Variants in CCDC171 observed in about 807,000 individuals in gnomAD.
CCDC171 encodes coiled-coil domain containing 171.
Under a neutral mutation model 168.2 loss-of-function variants are expected in CCDC171, and 177 were observed. The observed-to-expected ratio is 1.05, with a 90% CI of 0.93 to 1.19. CCDC171 has a LOEUF of 1.19. Among genes scored for constraint, CCDC171 ranks in the 50% most tolerant of loss-of-function variants. CCDC171 has a pLI of 0.00. For missense variants in CCDC171, 1,991 were observed against 1,539.0 expected (o/e 1.29, Z -4.91); for synonymous variants, 687 against 540.8 (o/e 1.27, Z -3.75).
intron 18 of CCDC171, among the ~76,000 whole-genome samples, chr9:15,766,701 G>A (rs914293079): frequency 2.0e-5 from 3 of 151,194 alleles, no homozygotes; most frequent in Non-Finnish European, 4.4e-5. Context: ...TGTCACCCAG[G>A]CTGGAGTACA....
chr9:15,730,266 ATAT>A (rs2054072803), intron 16 of CCDC171, among the ~76,000 whole-genome samples: 1 of 151,802 alleles, frequency 6.6e-6, no homozygotes, highest in African/African-American at 2.4e-5. Flanking sequence ...TATATAACTG[ATAT>A]TATATAAGGT....
At chr9:15,827,225 C>A (rs1019699879) in intron 21 of CCDC171, among the ~76,000 whole-genome samples, 1 of 152,060 alleles carries the variant, frequency 6.6e-6, no homozygotes, top group Admixed American at 6.6e-5. Flanking sequence ...TTCTCCCTTG[C>A]AGGTAAATGT....
intron 6 of CCDC171, among the ~76,000 whole-genome samples, chr9:15,610,488 G>A (rs950355932): frequency 4.6e-5 from 5 of 109,116 alleles, no homozygotes; most frequent in African/African-American, 6.1e-5. Flanking sequence ...AAAACTGGGC[G>A]TGGTGGTGGG....
chr9:16,043,900 A>C (rs1833613342), intron 1 of CCDC171, among the ~76,000 whole-genome samples: 1 of 152,210 alleles, frequency 6.6e-6, no homozygotes, highest in South Asian at 2.1e-4. Context: ...CGTCCATTTG[A>C]GTTGCAGTTA....
At position 15,744,259 on chromosome 9, in the gene CCDC171, G is replaced by C. The variant is rs762342134; in HGVS notation, c.2050-14G>C. ...TGTTTCATGATCAAATATATTTTTT[G>C]ACTTCTTCCATAGAAATTTCAAGAA... On this transcript the variant is annotated splice_polypyrimidine_tract_variant and intron_variant, in intron 16 of 25. Coordinates refer to ENST00000380701, the MANE Select transcript of CCDC171 (RefSeq NM_173550.4). The C allele has an allele frequency of 1.9e-6, 3 of 1,553,006 alleles. No individual in the cohort carries two copies. In the African/African-American group the frequency reaches 4.1e-5, roughly 21 times the overall value.
chr9:15,593,490 A>G (rs983762821), intron 5 of CCDC171, among the ~76,000 whole-genome samples: 1 of 152,092 alleles, frequency 6.6e-6, no homozygotes, highest in Non-Finnish European at 1.5e-5. Flanking sequence ...TCAAATTTTT[A>G]ACATTCTAGA....
At chr9:15,643,288 TA>T (rs1227932787) in intron 7 of CCDC171, among the ~76,000 whole-genome samples, 1 of 152,154 alleles carries the variant, frequency 6.6e-6, no homozygotes, top group Non-Finnish European at 1.5e-5. Flanking sequence ...TTCAGTTCTT[TA>T]AGGGCAAGAA....
intron 6 of CCDC171, among the ~76,000 whole-genome samples, chr9:16,028,393 A>C (rs1369419049): frequency 6.6e-6 from 1 of 152,182 alleles, no homozygotes; most frequent in Non-Finnish European, 1.5e-5. Context: ...ACTAAAGCAG[A>C]CCAAAGTAGA....
downstream of CCDC171, among the ~76,000 whole-genome samples, chr9:16,064,216 T>C (rs1313229922): frequency 6.6e-6 from 1 of 152,192 alleles, no homozygotes; most frequent in Admixed American, 6.5e-5. Context: ...TGTATTTCAC[T>C]TGATGGAAAG....
intron 16 of CCDC171, among the ~76,000 whole-genome samples, chr9:15,732,622 G>T (rs1588184862): frequency 6.6e-6 from 1 of 152,102 alleles, no homozygotes; most frequent in Non-Finnish European, 1.5e-5. Context: ...GCATATATCA[G>T]TAGTTAATTC....
At chr9:15,728,162 C>G in intron 15 of CCDC171, 126 bp downstream of exon 15, 1 of 713,394 alleles carries the variant, frequency 1.4e-6, no homozygotes, top group Non-Finnish European at 2.2e-6. Context: ...TAATTCAATA[C>G]CATTAATTAT....
intron 16 of CCDC171, among the ~76,000 whole-genome samples, chr9:15,741,550 T>C (rs969243967): frequency 6.6e-6 from 1 of 152,366 alleles, no homozygotes; most frequent in Non-Finnish European, 1.5e-5. Flanking sequence ...TTTGTGTTTT[T>C]CCTACCTTTT....
chr9:15,944,733 T>A (rs1225473079), intron 25 of CCDC171, among the ~76,000 whole-genome samples: 1 of 151,902 alleles, frequency 6.6e-6, no homozygotes, highest in Non-Finnish European at 1.5e-5. Context: ...ATAGACATAA[T>A]TTTTACTTGT....
Position 15,598,485 on chromosome 9 carries a change from C to G in CCDC171, c.675+4313C>G, listed in dbSNP as rs183336186. Among the ~76,000 whole-genome samples, 278 of 152,106 alleles carry G rather than the reference C, an allele frequency of 1.8e-3. 1 individual carries two copies. Among genetic ancestry groups the G allele is most frequent in the Middle Eastern group, 0.01 (3 of 294 alleles). On this transcript the variant is annotated intron_variant, in intron 6 of 25. Coordinates refer to ENST00000380701, the MANE Select transcript of CCDC171 (RefSeq NM_173550.4). ...TGAGTGAGTTTCTTAATCCTGAGTT[C>G]TAGTTTGATTGCAGTGTGGTCTGAG... is the stretch of plus-strand genomic sequence containing the variant.
chr9:15,844,646 G>T (rs1417458473), intron 21 of CCDC171, among the ~76,000 whole-genome samples: 1 of 151,760 alleles, frequency 6.6e-6, no homozygotes, highest in Non-Finnish European at 1.5e-5. Context: ...ACCACTTTTT[G>T]TTTCTTTTCT....
At chr9:15,774,063 T>G (rs2057161423) in intron 18 of CCDC171, among the ~76,000 whole-genome samples, 1 of 151,892 alleles carries the variant, frequency 6.6e-6, no homozygotes, top group South Asian at 2.1e-4. Context: ...CTGGTCAACG[T>G]GGTGAAACCC....
intron 10 of CCDC171, among the ~76,000 whole-genome samples, chr9:15,681,110 C>T (rs1357183768): frequency 6.6e-6 from 1 of 152,074 alleles, no homozygotes; most frequent in African/African-American, 2.4e-5. Context: ...CAAGTGGCAG[C>T]TCACCAGCAA....
At chr9:15,957,819 C>G (rs1386055036) in intron 25 of CCDC171, among the ~76,000 whole-genome samples, 1 of 152,166 alleles carries the variant, frequency 6.6e-6, no homozygotes, top group Non-Finnish European at 1.5e-5. Flanking sequence ...GCCAAGATAA[C>G]TTTCCTCTTA....
rs2044105300 is a variant in CCDC171 at position 15,616,654 on chromosome 9, A to T, written c.676-6613A>T. Among the ~76,000 whole-genome samples the T allele has an allele frequency of 2.6e-5, 4 of 152,184 alleles. No individual in the cohort carries two copies. The South Asian group carries it at 8.3e-4, about 32-fold the overall frequency. On this transcript the variant is annotated intron_variant, in intron 6 of 25. Coordinates refer to ENST00000380701, the MANE Select transcript of CCDC171 (RefSeq NM_173550.4). ...TTATGTATTTGTAATTTAAGAAGGC[A>T]TATAATTTAACAGTGACTGAATTAA...
Sources: gnomAD v4.1 joint callset for allele counts (sites outside exome capture counted in the v4.1 genomes callset) on GRCh38, gnomAD v4.1.1 for gene constraint, MANE v1.5 for transcripts, NCBI Gene and HGNC (gene_info 2026-07-23, HGNC 2026-07-21) for gene names.